Variants in NRAP observed in about 807,000 individuals in gnomAD.
NRAP encodes nebulin related anchoring protein.
A neutral mutation model predicts 225.9 loss-of-function variants in NRAP; 189 were observed. The observed-to-expected ratio is 0.84, with a 90% CI of 0.74 to 0.94. The LOEUF is 0.94. NRAP is among the 40% of genes least tolerant of loss of function. NRAP has a pLI of 0.00. For synonymous variants in NRAP, 769 were observed against 790.7 expected, an observed-to-expected ratio of 0.97 and a Z score of 0.46; for missense variants, 2,176 against 2,168.7, an observed-to-expected ratio of 1.00 and a Z score of -0.07.
At chr10:113,626,477 A>G in intron 20 of NRAP, among the ~76,000 whole-genome samples, 1 of 152,210 alleles carries the variant, frequency 6.6e-6, no homozygotes. Context: ...CTTTACAATG[A>G]TGAAGACTGA....
rs1845883409 is a variant in NRAP, at chr10:113,590,243, G to A, written c.4956+335C>T. On this transcript the variant is annotated intron_variant, in intron 40 of 41. Coordinates refer to ENST00000359988, the MANE Select transcript of NRAP (RefSeq NM_198060.4). Reference sequence around the variant, plus strand: ...CAAACCAAAAGGGGTTGGTATCCCAGGTCTGCCACTTATTTGTTATGGGAT... The same window carrying A: ...CAAACCAAAAGGGGTTGGTATCCCAAGTCTGCCACTTATTTGTTATGGGAT... Among the ~76,000 whole-genome samples, 5 of 152,158 alleles carry A rather than the reference G, an allele frequency of 3.3e-5. 1 individual carries two copies. The South Asian group carries it at 6.2e-4, about 19-fold the overall frequency.
At chr10:113,645,662 C>G (rs1592847088) in intron 11 of NRAP, among the ~76,000 whole-genome samples, 163 bp downstream of exon 11, 1 of 152,298 alleles carries the variant, frequency 6.6e-6, no homozygotes, top group East Asian at 1.9e-4. Context: ...GGTGATCTGC[C>G]TGCCTCGGCC....
Position 113,631,533 on chromosome 10 carries a change from C to A in NRAP, c.1818G>T (p.Leu606=), listed in dbSNP as rs1848579448. Residue 606 remains leucine (L), a synonymous_variant, in exon 18 of 42, where the codon CTG becomes CTT. Coordinates refer to ENST00000359988, the MANE Select transcript of NRAP (RefSeq NM_198060.4). ...CCTCACTGCTCATCTTAGCAATCTG[C>A]AGGGAGTGCAGAAGCCTAGAGTCGG... The part of the protein sequence containing the change: ...GTADSRLLHS[L]QIAKMSSEVE... 1 of 1,609,928 alleles carries A rather than the reference C, an allele frequency of 6.2e-7. No individual in the cohort carries two copies. Among genetic ancestry groups the A allele is most frequent in the African/African-American group, 1.3e-5 (1 of 74,658 alleles).
At chr10:113,608,822 AGT>A (rs1189525978) in intron 31 of NRAP, among the ~76,000 whole-genome samples, 1 of 152,260 alleles carries the variant, frequency 6.6e-6, no homozygotes, top group Non-Finnish European at 1.5e-5. Flanking sequence ...ACAGAGAACC[AGT>A]GCTCCTCTAC....
chr10:113,640,505 C>A lies in NRAP; in HGVS notation c.1324-174G>T, dbSNP rs1539591. Among the ~76,000 whole-genome samples the A allele has an allele frequency of 0.55, 84,114 of 152,026 alleles. 24,512 individuals are homozygous for A. The highest frequency in any genetic ancestry group is 0.73 in the East Asian group (3,758 of 5,168). On this transcript the variant is annotated intron_variant, in intron 13 of 41. Transcript: ENST00000359988. ...TTGTCTTTAATGAATCTGAATTCCT[C>A]TTAATTAGTCCAAAATTAGTTAACT...
intron 32 of NRAP, 70 bp downstream of exon 32, chr10:113,608,344 C>T: frequency 1.1e-6 from 1 of 934,604 alleles, no homozygotes; most frequent in Non-Finnish European, 1.7e-6. Flanking sequence ...ACCCCAAACA[C>T]ATTCACGTGT....
chr10:113,644,070 G>A (rs538916191), intron 11 of NRAP, among the ~76,000 whole-genome samples: 15 of 148,254 alleles, frequency 1.0e-4, no homozygotes, highest in African/African-American at 3.5e-4. Context: ...ATCGCTTGAC[G>A]TGGGAGGTGG....
At position 113,641,431 on chromosome 10, in the gene NRAP, G is replaced by A. The variant is rs1280394421; in HGVS notation, c.1257C>T (p.Arg419=). ...KENYQNHMRG[R]YEGVGMDRRT... ...GTCTGTCCATACCAACTCCTTCATAGCGGCCTCTCATGTGGTTCTGGTAGT... is the reference window on the plus strand; with the variant it reads ...GTCTGTCCATACCAACTCCTTCATAACGGCCTCTCATGTGGTTCTGGTAGT... Residue 419 remains arginine, a synonymous_variant, in exon 13 of 42, where the codon CGC becomes CGT. Transcript: ENST00000359988. 6.2e-7 allele frequency: 1 copy of A among 1,613,874 alleles called. No individual in the cohort carries two copies.
At chr10:113,633,209 C>A (rs1345657919) in intron 15 of NRAP, 21 bp from the exon 16 acceptor site, 1 of 1,384,674 alleles carries the variant, frequency 7.2e-7, no homozygotes, top group Non-Finnish European at 1.0e-6. Context: ...TAAAATAAAT[C>A]TGTAGGGTTT....
At chr10:113,655,687 T>C (rs1395229256) in intron 4 of NRAP, among the ~76,000 whole-genome samples, 1 of 152,072 alleles carries the variant, frequency 6.6e-6, no homozygotes, top group East Asian at 1.9e-4. Flanking sequence ...TGACCTCAGG[T>C]GATCCACCCA....
At chr10:113,653,382 G>T (rs950757959) in intron 5 of NRAP, among the ~76,000 whole-genome samples, 1 of 152,178 alleles carries the variant, frequency 6.6e-6, no homozygotes, top group Non-Finnish European at 1.5e-5. Flanking sequence ...GCTAGCAAGA[G>T]TACTACAGTA....
intron 33 of NRAP, 114 bp from the exon 34 acceptor site, chr10:113,605,983 C>A: frequency 1.1e-6 from 1 of 873,742 alleles, no homozygotes; most frequent in Admixed American, 1.9e-5. Flanking sequence ...TTTTGTGCAG[C>A]AAATCTCATT....
intron 21 of NRAP, among the ~76,000 whole-genome samples, chr10:113,625,435 G>T (rs1848229527): frequency 6.6e-6 from 1 of 152,126 alleles, no homozygotes; most frequent in Non-Finnish European, 1.5e-5. Context: ...TTCTCTCTTT[G>T]CTTCCTCTCC....
At chr10:113,658,619 G>A (rs1035538399) in intron 3 of NRAP, among the ~76,000 whole-genome samples, 12 of 152,078 alleles carry the variant, frequency 7.9e-5, no homozygotes, top group Admixed American at 2.6e-4. Flanking sequence ...AGTACCTCAC[G>A]CCTGCACTCC....
chr10:113,592,340 C>T (rs1408473594), intron 38 of NRAP, 39 bp from the exon 39 acceptor site: 1 of 1,344,564 alleles, frequency 7.4e-7, no homozygotes, highest in Non-Finnish European at 1.1e-6. Context: ...AGCAGGCAGT[C>T]ACTCCACTGT....
In NRAP at chr10:113,650,431, C is replaced by T; in HGVS notation, c.783+7G>A. ...CCTAACATGACCACATTGTCAAGGA[C>T]ACTTACATCACTTGCCAGCTCATTG... On this transcript the variant is annotated splice_region_variant and intron_variant, in intron 8 of 41. Coordinates refer to ENST00000359988, the MANE Select transcript of NRAP (RefSeq NM_198060.4). The T allele has an allele frequency of 1.3e-6, 2 of 1,593,822 alleles. No individual in the cohort carries two copies. Among genetic ancestry groups the T allele is most frequent in the Admixed American group, 3.3e-5 (2 of 60,016 alleles).
rs903720943 is a variant in NRAP, at chr10:113,643,105, G to C, written c.1111-67C>G. ...GAAGTCACTCTTGAAAATGTCCCAG[G>C]ACTTGACTAGGATATTTTTAGAAAA... On this transcript the variant is annotated intron_variant, in intron 11 of 41. Transcript: ENST00000359988. 36 of 769,466 alleles carry C rather than the reference G, an allele frequency of 4.7e-5. No individual in the cohort carries two copies. In the East Asian group the frequency reaches 9.0e-4, roughly 19 times the overall value. The allele number at this position is 769,466 out of a possible 1,614,324, so 47.7% of individuals were successfully genotyped here.
intron 12 of NRAP, 59 bp downstream of exon 12, chr10:113,642,875 G>A (rs1849286942): frequency 1.2e-6 from 1 of 868,546 alleles, no homozygotes; most frequent in African/African-American, 1.6e-5. Flanking sequence ...CCTCTTAGGA[G>A]ACCTAAAGAC....
chr10:113,596,091 A>G (rs938151321), intron 37 of NRAP, among the ~76,000 whole-genome samples: 3 of 152,258 alleles, frequency 2.0e-5, no homozygotes, highest in Non-Finnish European at 4.4e-5. Context: ...TTTTACTAGT[A>G]ACAAGATACA....
Sources: allele counts gnomAD v4.1 joint callset (sites outside exome capture counted in the v4.1 genomes callset), GRCh38; gene constraint gnomAD v4.1.1; transcripts MANE v1.5; gene names NCBI Gene and HGNC (gene_info 2026-07-23, HGNC 2026-07-21).